The following AAK1 variants were observed in gnomAD, a reference collection of about 807,000 sequenced individuals.
The protein encoded by AAK1 is AP2-associated protein kinase 1.
A neutral mutation model predicts 116.0 loss-of-function variants in AAK1; 37 were observed. That is an observed-to-expected ratio of 0.32 (90% confidence interval 0.25 to 0.42). The LOEUF (loss-of-function observed/expected upper bound fraction) is 0.42, where lower values mean the gene tolerates loss of function less well. Among genes scored for constraint, AAK1 ranks in the 10% least tolerant of loss-of-function variants. The probability of loss-of-function intolerance (pLI) is 1.00; values close to 1 mark genes in which losing one functional copy is unlikely to be tolerated. For missense variants in AAK1, 919 were observed against 1,170.6 expected (o/e 0.79, Z 3.14); for synonymous variants, 458 against 439.9 (o/e 1.04, Z -0.51).
chr2:69,607,011 A>C (rs1204243998), intron 2 of AAK1, among the ~76,000 whole-genome samples: 4 of 147,142 alleles, frequency 2.7e-5, no homozygotes, highest in African/African-American at 1.0e-4. Context: ...GGTTGCAGTG[A>C]GCCGAGATCA....
chr2:69,580,353 G>A (rs1289091743), intron 2 of AAK1, among the ~76,000 whole-genome samples: 2 of 152,136 alleles, frequency 1.3e-5, no homozygotes, highest in Non-Finnish European at 2.9e-5. Flanking sequence ...ATGGACATCT[G>A]ATCCACACCA....
At chr2:69,640,049 ACACACTCT>A (rs1489829774) in intron 2 of AAK1, among the ~76,000 whole-genome samples, 17 of 115,018 alleles carry the variant, frequency 1.5e-4, no homozygotes, top group African/African-American at 2.3e-4. Flanking sequence ...ACACACACAC[ACACACTCT>A]CTCTCTCTCT....
At position 69,542,569 on chromosome 2, in the gene AAK1, G is replaced by C. The variant is rs1337861019; in HGVS notation, c.488C>G (p.Ala163Gly). 2 of 1,613,902 alleles carry C rather than the reference G, an allele frequency of 1.2e-6. No homozygotes were observed. Among genetic ancestry groups the C allele is most frequent in the Admixed American group, 3.3e-5 (2 of 60,002 alleles). The part of the protein sequence containing the change: ...QIFCDTCEAV[A>G]RLHQCKTPII... ...AGGAGTTTTGCACTGATGCAGGCGG[G>C]CAACAGCTTCACAGGTATCACAAAA... is the stretch of plus-strand genomic sequence containing the variant. Residue 163 changes from alanine (A) to glycine (G), a missense_variant, in exon 5 of 22, where the codon GCC (alanine) becomes GGC (glycine). By Grantham distance (60) the Ala-to-Gly change is moderately conservative. This residue lies in a region of AAK1 where 317 missense variants were observed against 490.4 expected (regional missense o/e 0.65). Transcript: ENST00000409085.
At chr2:69,579,981 A>G (rs1348695945) in intron 2 of AAK1, among the ~76,000 whole-genome samples, 1 of 151,586 alleles carries the variant, frequency 6.6e-6, no homozygotes, top group Non-Finnish European at 1.5e-5. Context: ...CTCCACACAT[A>G]CCTCCCAAGC....
Position 69,476,955 on chromosome 2 carries a change from C to T in AAK1, c.2716G>A (p.Val906Ile). Residue 906 changes from valine to isoleucine, a missense_variant, in exon 21 of 22, where the codon GTC (valine) becomes ATC (isoleucine). Physicochemically the swap from Val to Ile is conservative, Grantham distance 29. Transcript: ENST00000409085. ...EDSNLISGFDVPEGSDKVAED... is the reference protein window; with the variant it reads ...EDSNLISGFDIPEGSDKVAED... The stretch of plus-strand genomic sequence containing the variant: ...GCCACCTTGTCCGAGCCCTCAGGGA[C>T]ATCAAAACCTGAGATGAGATTACTA... 1 of 1,613,294 alleles carries T rather than the reference C, an allele frequency of 6.2e-7. No individual in the cohort carries two copies. Among genetic ancestry groups the T allele is most frequent in the Non-Finnish European group, 8.5e-7 (1 of 1,179,648 alleles).
Position 69,642,956 on chromosome 2 carries a change from CCGAGGTGCT to C in AAK1, c.76_84del (p.Ser26_Ser28del). 6.2e-7 allele frequency: 1 copy of C among 1,613,768 alleles called. No individual in the cohort carries two copies. The highest frequency in any genetic ancestry group is 8.5e-7 in the Non-Finnish European group (1 of 1,179,842). ...CTTCCGATGTAGCCACTGCCCAGGC[CCGAGGTGCT>C]GCCCCCTCCTCCGCTGGAGCCGGAG... On this transcript the variant is annotated inframe_deletion, in exon 2 of 22. Transcript: ENST00000409085.
chr2:69,609,565 G>A (rs1384698307), intron 2 of AAK1, among the ~76,000 whole-genome samples: 2 of 152,014 alleles, frequency 1.3e-5, no homozygotes, highest in Non-Finnish European at 2.9e-5. Flanking sequence ...GCCTGAGGCT[G>A]AGGCAGGAGA....
At chr2:69,487,640 G>T (rs1330999206) in intron 17 of AAK1, among the ~76,000 whole-genome samples, 1 of 151,960 alleles carries the variant, frequency 6.6e-6, no homozygotes, top group Non-Finnish European at 1.5e-5. Context: ...TTATTTAAGG[G>T]GATAGACCAA....
At chr2:69,634,165 C>A (rs557656690) in intron 2 of AAK1, among the ~76,000 whole-genome samples, 1 of 144,414 alleles carries the variant, frequency 6.9e-6, no homozygotes, top group Non-Finnish European at 1.6e-5. Flanking sequence ...AAGACTCTGT[C>A]TGAAAAATAT....
Position 69,612,248 on chromosome 2 carries a change from G to A in AAK1, c.163+30630C>T, listed in dbSNP as rs150155825. On this transcript the variant is annotated intron_variant, in intron 2 of 21. Transcript: ENST00000409085. ...TGAATGTACTTAATGCCATAGAACT[G>A]TATACTAAAAAAGGATTAAAATGGT... Among the ~76,000 whole-genome samples, 19 of 152,298 alleles carry A rather than the reference G, an allele frequency of 1.2e-4. No individual in the cohort carries two copies. In the East Asian group the frequency reaches 3.5e-3, roughly 28 times the overall value.
chr2:69,516,824 G>A (rs1217678956), intron 12 of AAK1: 1 of 152,302 alleles, frequency 6.6e-6, no homozygotes, highest in Non-Finnish European at 1.5e-5. Context: ...TTGAGCCCAG[G>A]AAGTCAAGGG....
chr2:69,541,020 T>G (rs774918520), intron 5 of AAK1, among the ~76,000 whole-genome samples: 1 of 152,152 alleles, frequency 6.6e-6, no homozygotes, highest in Non-Finnish European at 1.5e-5. Flanking sequence ...ATATGATGAT[T>G]CCATTTATAT....
chr2:69,605,415 C>T (rs1673757523), intron 2 of AAK1, among the ~76,000 whole-genome samples: 1 of 152,162 alleles, frequency 6.6e-6, no homozygotes, highest in Admixed American at 6.5e-5. Flanking sequence ...CTGCCTTTTC[C>T]TTCTTATGCA....
chr2:69,629,298 C>T (rs950641445), intron 2 of AAK1, among the ~76,000 whole-genome samples: 3 of 152,192 alleles, frequency 2.0e-5, no homozygotes, highest in Admixed American at 1.3e-4. Flanking sequence ...TGAATGTATG[C>T]TTTGCTTAAA....
Position 69,471,061 on chromosome 2 carries a change from T to C in AAK1, c.*4808A>G. 1.0e-6 allele frequency: 1 copy of C among 985,864 alleles called. No homozygotes were observed. The highest frequency in any genetic ancestry group is 1.2e-6 in the Non-Finnish European group (1 of 829,938). The allele number at this position is 985,864 out of a possible 1,614,324, so 61.1% of individuals were successfully genotyped here. A position where few individuals can be genotyped will look rare whatever the true frequency, so the allele number is the denominator to read the frequency against. On this transcript the variant is annotated 3_prime_UTR_variant, in exon 22 of 22. Coordinates refer to ENST00000409085, the MANE Select transcript of AAK1 (RefSeq NM_014911.5). Reference sequence around the variant, plus strand: ...CATAAGATATCTTCATGTACAACTGTATGCTTTGTCTTCTTGGGAAGGACG... The same window carrying C: ...CATAAGATATCTTCATGTACAACTGCATGCTTTGTCTTCTTGGGAAGGACG...
chr2:69,624,869 C>G (rs969233838), intron 2 of AAK1, among the ~76,000 whole-genome samples: 7 of 152,054 alleles, frequency 4.6e-5, no homozygotes, highest in Non-Finnish European at 1.0e-4. Context: ...GTGCCTAGAA[C>G]AATGCCTTAC....
rs1158763334 is a variant in AAK1 at position 69,465,478 on chromosome 2, C to G, written c.*10391G>C. The stretch of plus-strand genomic sequence containing the variant: ...AAGGGTGCTAGAGCAAATGGATCAG[C>G]AGCTGGCAGCTCCGTAGTCCTGGAG... On this transcript the variant is annotated 3_prime_UTR_variant, in exon 22 of 22. Coordinates refer to ENST00000409085, the MANE Select transcript of AAK1 (RefSeq NM_014911.5). 1.5e-6 allele frequency: 2 copies of G among 1,290,920 alleles called. No homozygotes were observed. The highest frequency in any genetic ancestry group is 3.0e-5 in the African/African-American group (2 of 65,974). 80.0% of individuals were successfully genotyped at this position (1,290,920 alleles called of 1,614,324 possible). A position where few individuals can be genotyped will look rare whatever the true frequency, so the allele number is the denominator to read the frequency against.
chr2:69,599,460 C>T (rs1673461256), intron 2 of AAK1, among the ~76,000 whole-genome samples: 1 of 151,006 alleles, frequency 6.6e-6, no homozygotes, highest in African/African-American at 2.4e-5. Context: ...AGATCCTTCA[C>T]GATGTTGCAG....
intron 2 of AAK1, among the ~76,000 whole-genome samples, chr2:69,565,733 G>T (rs1424002696): frequency 6.6e-6 from 1 of 152,166 alleles, no homozygotes; most frequent in African/African-American, 2.4e-5. Flanking sequence ...GAGCTTGGGT[G>T]TACCATTCAG....
Sources: gnomAD v4.1 joint callset for allele counts (sites outside exome capture counted in the v4.1 genomes callset) on GRCh38, gnomAD v4.1.1 for gene constraint, gnomAD v4.1.1 regional missense constraint, MANE v1.5 for transcripts, NCBI Gene and HGNC (gene_info 2026-07-23, HGNC 2026-07-21) for gene names.